The following SIK2 variants were observed in gnomAD, a reference collection of about 807,000 sequenced individuals.
The protein encoded by SIK2 is salt inducible kinase 2.
A neutral mutation model predicts 103.2 loss-of-function variants in SIK2; 29 were observed. The ratio of observed to expected loss-of-function variants is 0.28; its 90% CI spans 0.21 to 0.38. The LOEUF is 0.38. SIK2 is among the 10% of genes least tolerant of loss of function. The pLI, the probability that SIK2 is intolerant of heterozygous loss-of-function variation, is 1.00. For missense variants in SIK2, 879 were observed against 1,171.0 expected (o/e 0.75, Z 3.64); for synonymous variants, 412 against 446.1 (o/e 0.92, Z 0.96).
chr11:111,633,816 T>C (rs1942069699), intron 3 of SIK2, among the ~76,000 whole-genome samples: 1 of 152,212 alleles, frequency 6.6e-6, no homozygotes, highest in Non-Finnish European at 1.5e-5. Context: ...AATATTTTCT[T>C]GGTCTGGCAG....
chr11:111,710,404 A>G (rs980070804), intron 8 of SIK2, among the ~76,000 whole-genome samples: 1 of 152,228 alleles, frequency 6.6e-6, no homozygotes, highest in Non-Finnish European at 1.5e-5. Flanking sequence ...TTTATCTTAT[A>G]CAGTATAGCC....
chr11:111,645,417 A>G lies in SIK2; in HGVS notation c.316+25015A>G, dbSNP rs533219417. ...CTCAATGTGAATGACTCGTAAAAAC[A>G]TATTGTTGAGGGAAGGAAAGCAGAC... On this transcript the variant is annotated intron_variant, in intron 3 of 14. Coordinates refer to ENST00000304987, the MANE Select transcript of SIK2 (RefSeq NM_015191.3). Among the ~76,000 whole-genome samples, 3 of 152,372 alleles carry G rather than the reference A, an allele frequency of 2.0e-5. No homozygotes were observed. In the East Asian group the frequency reaches 5.8e-4, roughly 29 times the overall value.
intron 9 of SIK2, among the ~76,000 whole-genome samples, chr11:111,717,317 CAAAAAAAAAAAAAAAA>C (rs34473568): frequency 4.0e-5 from 2 of 49,464 alleles, no homozygotes; most frequent in African/African-American, 7.3e-5. Flanking sequence ...GACTCCGTCT[CAAAAAAAAAAAAAAAA>C]AAAAAAAAAA....
At chr11:111,644,398 A>G (rs1170029852) in intron 3 of SIK2, among the ~76,000 whole-genome samples, 1 of 152,144 alleles carries the variant, frequency 6.6e-6, no homozygotes, top group Non-Finnish European at 1.5e-5. Context: ...ATTTAAAAAA[A>G]AAGGTTTTTT....
chr11:111,607,354 G>C (rs913318700), intron 1 of SIK2, among the ~76,000 whole-genome samples: 8 of 152,108 alleles, frequency 5.3e-5, no homozygotes, highest in African/African-American at 1.7e-4. Flanking sequence ...ATTTTTAAAA[G>C]GTTTTCAGAA....
chr11:111,632,730 AT>A (rs1382970541), intron 3 of SIK2, among the ~76,000 whole-genome samples: 1 of 151,986 alleles, frequency 6.6e-6, no homozygotes, highest in African/African-American at 2.4e-5. Context: ...CCGTCTGCTG[AT>A]TTTGCACATT....
At chr11:111,666,850 T>C (rs904921414) in intron 3 of SIK2, among the ~76,000 whole-genome samples, 1 of 152,174 alleles carries the variant, frequency 6.6e-6, no homozygotes, top group Non-Finnish European at 1.5e-5. Context: ...CAGAAAATTA[T>C]ATGAAAATAG....
chr11:111,616,325 T>C lies in SIK2; in HGVS notation c.218T>C (p.Met73Thr). 3 of 1,612,654 alleles carry C rather than the reference T, an allele frequency of 1.9e-6. No homozygotes were observed. Among genetic ancestry groups the C allele is most frequent in the Non-Finnish European group, 2.5e-6 (3 of 1,178,900 alleles). Residue 73 changes from methionine (M) to threonine (T), a missense_variant, in exon 2 of 15, where the codon ATG becomes ACG. By Grantham distance (81) the Met-to-Thr change is moderately conservative. Coordinates refer to ENST00000304987, the MANE Select transcript of SIK2 (RefSeq NM_015191.3). ...KIYREVQIMK[M>T]LDHPHIIKLY... ...TACCGAGAAGTACAAATAATGAAAA[T>C]GTTAGACCACCCTCACATAATCAAA...
At chr11:111,683,849 G>T (rs980301917) in intron 3 of SIK2, among the ~76,000 whole-genome samples, 1 of 152,138 alleles carries the variant, frequency 6.6e-6, no homozygotes, top group South Asian at 2.1e-4. Context: ...TTCCTTGAAG[G>T]GGTTGATGTA....
Position 111,729,058 on chromosome 11 carries a change from G to A in SIK2, c.*4929G>A, listed in dbSNP as rs1218039317. 1 of 152,250 alleles carries A rather than the reference G, an allele frequency of 6.6e-6. No homozygotes were observed. The highest frequency in any genetic ancestry group is 1.5e-5 in the Non-Finnish European group (1 of 68,054). 9.4% of individuals were successfully genotyped at this position (152,250 alleles called of 1,614,324 possible). A position where few individuals can be genotyped will look rare whatever the true frequency, so the allele number is the denominator to read the frequency against. On this transcript the variant is annotated 3_prime_UTR_variant, in exon 15 of 15. Transcript: ENST00000304987. ...GGTCTGAAGCACCTGTAATGTCAGA[G>A]CCCTTGTCTGGCCCTTGGTGGCAGG...
intron 3 of SIK2, among the ~76,000 whole-genome samples, chr11:111,677,373 C>T (rs1378733934): frequency 6.6e-6 from 1 of 152,054 alleles, no homozygotes; most frequent in Non-Finnish European, 1.5e-5. Flanking sequence ...TGCCTCATGA[C>T]ATCTCTTCTA....
At position 111,701,878 on chromosome 11, in the gene SIK2, C is replaced by T. The variant is rs1416548854; in HGVS notation, c.727+303C>T. On this transcript the variant is annotated intron_variant, in intron 6 of 14. Coordinates refer to ENST00000304987, the MANE Select transcript of SIK2 (RefSeq NM_015191.3). This position sits in a 1 kb window ranked among gnomAD's most constrained non-coding sequence, Gnocchi z 4.2. Reference sequence around the variant, plus strand: ...ACGAAGCCCTTTGTAGATACAGATTCACAACCATTTTACTCCAATATGAAA... The same window carrying T: ...ACGAAGCCCTTTGTAGATACAGATTTACAACCATTTTACTCCAATATGAAA... 6.6e-6 allele frequency among the ~76,000 whole-genome samples: 1 copy of T among 152,132 alleles called. No individual in the cohort carries two copies. The highest frequency in any genetic ancestry group is 1.5e-5 in the Non-Finnish European group (1 of 68,028).
rs1256126789 is a variant in SIK2 at position 111,705,279 on chromosome 11, G to C, written c.1101+140G>C. 3 of 831,808 alleles carry C rather than the reference G, an allele frequency of 3.6e-6. No homozygotes were observed. The highest frequency in any genetic ancestry group is 5.0e-6 in the Non-Finnish European group (3 of 599,830). 51.5% of individuals were successfully genotyped at this position (831,808 alleles called of 1,614,324 possible). A position where few individuals can be genotyped will look rare whatever the true frequency, so the allele number is the denominator to read the frequency against. On this transcript the variant is annotated intron_variant, in intron 8 of 14. Transcript: ENST00000304987. The surrounding 1 kb of genome is among the most constrained non-coding windows in gnomAD (Gnocchi z 4.3). ...TAAAATTTCTGCCTGCCATTCACTA[G>C]ATTCTCAAATGTTTTAGCACTTCCT...
At chr11:111,693,158 C>T (rs1942989721) in intron 4 of SIK2, among the ~76,000 whole-genome samples, 1 of 152,012 alleles carries the variant, frequency 6.6e-6, no homozygotes. Flanking sequence ...ATGGTGAAAC[C>T]CCGTCTCTAC....
chr11:111,716,605 A>C (rs1943649097), intron 9 of SIK2, among the ~76,000 whole-genome samples: 1 of 152,116 alleles, frequency 6.6e-6, no homozygotes, highest in Non-Finnish European at 1.5e-5. Flanking sequence ...AAGAAGAAAA[A>C]TCAGATCAAT....
Position 111,643,507 on chromosome 11 carries a change from A to G in SIK2, c.316+23105A>G, listed in dbSNP as rs1473096937. Among the ~76,000 whole-genome samples, 3 of 152,126 alleles carry G rather than the reference A, an allele frequency of 2.0e-5. No homozygotes were observed. The East Asian group carries it at 5.8e-4, about 29-fold the overall frequency. On this transcript the variant is annotated intron_variant, in intron 3 of 14. Coordinates refer to ENST00000304987, the MANE Select transcript of SIK2 (RefSeq NM_015191.3). ...TTATATTTGAAAATGTAGAGTAGAC[A>G]GGCAATCATTGCAAATGTATAGGCT... is the stretch of plus-strand genomic sequence containing the variant.
intron 9 of SIK2, among the ~76,000 whole-genome samples, chr11:111,717,611 T>C (rs1943683722): frequency 6.6e-6 from 1 of 152,178 alleles, no homozygotes. Flanking sequence ...CAAAGGAATG[T>C]AAATCATTCT....
chr11:111,693,175 T>C, intron 4 of SIK2, among the ~76,000 whole-genome samples: 1 of 151,918 alleles, frequency 6.6e-6, no homozygotes, highest in East Asian at 1.9e-4. Flanking sequence ...CTACTAAAAA[T>C]ACAAAAATTA....
chr11:111,674,988 C>T (rs1304299284), intron 3 of SIK2, among the ~76,000 whole-genome samples: 1 of 152,194 alleles, frequency 6.6e-6, no homozygotes, highest in Non-Finnish European at 1.5e-5. Context: ...CTCAGGTCAT[C>T]ATCCACCCAC....
Sources: gnomAD v4.1 joint callset for allele counts (sites outside exome capture counted in the v4.1 genomes callset) on GRCh38, gnomAD v4.1.1 for gene constraint, Gnocchi (gnomAD v3.1) non-coding constraint, MANE v1.5 for transcripts, NCBI Gene and HGNC (gene_info 2026-07-23, HGNC 2026-07-21) for gene names.